Variants in PHC2 observed in about 807,000 individuals in gnomAD.
PHC2 encodes polyhomeotic homolog 2.
A neutral mutation model predicts 87.4 loss-of-function variants in PHC2; 29 were observed. The ratio of observed to expected loss-of-function variants is 0.33; its 90% CI spans 0.25 to 0.45. The LOEUF is 0.45. Ranked by LOEUF, PHC2 falls within the 20% of genes least tolerant of loss-of-function variation. PHC2 has a pLI of 1.00. For missense variants in PHC2, 857 were observed against 1,136.7 expected (o/e 0.75, Z 3.54); for synonymous variants, 438 against 461.7 (o/e 0.95, Z 0.66).
At position 33,329,999 on chromosome 1, in the gene PHC2, G is replaced by A. The variant is rs989055149; in HGVS notation, c.2148+72C>T. On this transcript the variant is annotated intron_variant, in intron 13 of 14. Coordinates refer to ENST00000683057, the MANE Select transcript of PHC2 (RefSeq NM_001385109.1). ...GAAGTCGGCAGCTGGAGGGGACCGT[G>A]GTGTCGAGGGCCATGGAAGGGAAGC... is the stretch of plus-strand genomic sequence containing the variant. 7.8e-6 allele frequency: 12 copies of A among 1,536,166 alleles called. No individual in the cohort carries two copies. The South Asian group carries it at 1.3e-4, about 16-fold the overall frequency.
rs1188873854 is a variant in PHC2, at chr1:33,368,524, T to C, written c.663+12A>G. The C allele has an allele frequency of 2.1e-6, 3 of 1,430,894 alleles. No individual in the cohort carries two copies. The Admixed American group carries it at 6.0e-5, about 29-fold the overall frequency. The allele number at this position is 1,430,894 out of a possible 1,614,324, so 88.6% of individuals were successfully genotyped here. A position where few individuals can be genotyped will look rare whatever the true frequency, so the allele number is the denominator to read the frequency against. ...CCACCCCCCTGCCCTCCCACAAGCA[T>C]GGAGTCCTCACCTGGGCGGGGGTGG... On this transcript the variant is annotated intron_variant, in intron 6 of 14. Transcript: ENST00000683057. This position sits in a 1 kb window ranked among gnomAD's most constrained non-coding sequence, Gnocchi z 6.6.
rs115724007 is a variant in PHC2 at position 33,398,216 on chromosome 1, A to C, written c.-54-22623T>G. On this transcript the variant is annotated intron_variant, in intron 1 of 14. Coordinates refer to ENST00000683057, the MANE Select transcript of PHC2 (RefSeq NM_001385109.1). ...TTGCTTCAGCACTATCAGATTCCTC[A>C]GCAGGATGTGAAATGCTTTGCAACA... Among the ~76,000 whole-genome samples the C allele has an allele frequency of 3.1e-3, 479 of 152,342 alleles. 2 individuals carry two copies. The highest frequency in any genetic ancestry group is 0.011 in the African/African-American group (467 of 41,578).
Position 33,382,579 on chromosome 1 carries a change from T to C in PHC2, c.-54-6986A>G, listed in dbSNP as rs967166749. The stretch of plus-strand genomic sequence containing the variant: ...TGTTTTTCTCTGGGTTCCTACTCAC[T>C]GTGTGGTTTTGTATGAGCCCGGGCT... On this transcript the variant is annotated intron_variant, in intron 1 of 14. Coordinates refer to ENST00000683057, the MANE Select transcript of PHC2 (RefSeq NM_001385109.1). The surrounding 1 kb of genome is among the most constrained non-coding windows in gnomAD (Gnocchi z 4.3). Among the ~76,000 whole-genome samples, 2 of 152,180 alleles carry C rather than the reference T, an allele frequency of 1.3e-5. No individual in the cohort carries two copies. Among genetic ancestry groups the C allele is most frequent in the Non-Finnish European group, 2.9e-5 (2 of 68,042 alleles).
intron 9 of PHC2, chr1:33,345,321 C>G (rs1017942818): frequency 6.5e-6 from 1 of 153,936 alleles, no homozygotes; most frequent in African/African-American, 2.4e-5. Context: ...CAAACTGGGG[C>G]TCTCTTCAAC....
At chr1:33,353,349 G>C (rs968248435) in intron 9 of PHC2, 21 of 152,168 alleles carry the variant, frequency 1.4e-4, no homozygotes, top group African/African-American at 4.8e-4. Flanking sequence ...AATTCCAAGA[G>C]AGCAGGTTTT....
chr1:33,332,790 G>A lies in PHC2; in HGVS notation c.1762-386C>T, dbSNP rs1416547907. 2.6e-5 allele frequency among the ~76,000 whole-genome samples: 4 copies of A among 152,192 alleles called. No homozygotes were observed. The highest frequency in any genetic ancestry group is 1.9e-4 in the East Asian group (1 of 5,174). On this transcript the variant is annotated intron_variant, in intron 10 of 14. Transcript: ENST00000683057. The surrounding 1 kb of genome is among the most constrained non-coding windows in gnomAD (Gnocchi z 4.2). ...GGAGTCTGTGTGAGGCTGTACATACGAGAGAGAGACTCAGCACCCATTTTC... is the reference window on the plus strand; with the variant it reads ...GGAGTCTGTGTGAGGCTGTACATACAAGAGAGAGACTCAGCACCCATTTTC...
At chr1:33,351,365 G>A (rs575542290) in intron 9 of PHC2, among the ~76,000 whole-genome samples, 1 of 152,242 alleles carries the variant, frequency 6.6e-6, no homozygotes, top group African/African-American at 2.4e-5. Flanking sequence ...TGATGGTTTT[G>A]GCCATTGGGC....
intron 9 of PHC2, chr1:33,350,396 TGAGG>T (rs980593964): frequency 1.5e-4 from 23 of 152,340 alleles, no homozygotes; most frequent in African/African-American, 5.3e-4. Context: ...TGAGGCTGAT[TGAGG>T]AAGTGGGTTC....
chr1:33,349,546 G>T lies in PHC2; in HGVS notation c.1558+4855C>A. The T allele has an allele frequency of 1.0e-6, 1 of 981,634 alleles. No individual in the cohort carries two copies. The highest frequency in any genetic ancestry group is 1.8e-5 in the African/African-American group (1 of 57,132). The allele number at this position is 981,634 out of a possible 1,614,324, so 60.8% of individuals were successfully genotyped here. ...GCCCGACTTCCAGTGCGGCGAGCGC[G>T]GCCCCCGGCCTCCCTACTGGCGAGA... On this transcript the variant is annotated intron_variant, in intron 9 of 14. Coordinates refer to ENST00000683057, the MANE Select transcript of PHC2 (RefSeq NM_001385109.1). The surrounding 1 kb of genome is among the most constrained non-coding windows in gnomAD (Gnocchi z 4.2).
At chr1:33,415,644 A>T (rs1650173603) in intron 1 of PHC2, among the ~76,000 whole-genome samples, 1 of 152,230 alleles carries the variant, frequency 6.6e-6, no homozygotes, top group Non-Finnish European at 1.5e-5. Flanking sequence ...AGAAATGGGA[A>T]GATCAGACTT....
Position 33,382,954 on chromosome 1 carries a change from G to C in PHC2, c.-54-7361C>G, listed in dbSNP as rs1266775067. Reference sequence around the variant, plus strand: ...AGGCAGGGTGAGGTTTTTCCTAATGGAATCAGAGCTGGGCAGGAAATGAGA... The same window carrying C: ...AGGCAGGGTGAGGTTTTTCCTAATGCAATCAGAGCTGGGCAGGAAATGAGA... On this transcript the variant is annotated intron_variant, in intron 1 of 14. Coordinates refer to ENST00000683057, the MANE Select transcript of PHC2 (RefSeq NM_001385109.1). This position sits in a 1 kb window ranked among gnomAD's most constrained non-coding sequence, Gnocchi z 4.3. 2.6e-5 allele frequency among the ~76,000 whole-genome samples: 4 copies of C among 152,180 alleles called. No individual in the cohort carries two copies. Among genetic ancestry groups the C allele is most frequent in the Non-Finnish European group, 5.9e-5 (4 of 68,034 alleles).
chr1:33,374,953 G>T (rs1000128016), intron 2 of PHC2, among the ~76,000 whole-genome samples: 6 of 152,196 alleles, frequency 3.9e-5, no homozygotes, highest in Admixed American at 1.3e-4. Flanking sequence ...GATGACATTT[G>T]CCAACTGCTG....
intron 7 of PHC2, 61 bp downstream of exon 7, chr1:33,367,055 T>C: frequency 7.2e-7 from 1 of 1,398,298 alleles, no homozygotes; most frequent in South Asian, 1.3e-5. Flanking sequence ...TGTGAAAGTC[T>C]CCTCCTGACT....
chr1:33,349,071 G>A lies in PHC2; in HGVS notation c.1558+5330C>T, dbSNP rs868828057. On this transcript the variant is annotated intron_variant, in intron 9 of 14. Transcript: ENST00000683057. This position sits in a 1 kb window ranked among gnomAD's most constrained non-coding sequence, Gnocchi z 4.2. ...AGTCTACCTTCATTTGGCATAGGAA[G>A]GAGAGAAAACGCTCTTCTAAAAATG... 2.0e-6 allele frequency: 2 copies of A among 984,974 alleles called. No individual in the cohort carries two copies. Among genetic ancestry groups the A allele is most frequent in the Non-Finnish European group, 2.4e-6 (2 of 829,518 alleles). The allele number at this position is 984,974 out of a possible 1,614,324, so 61.0% of individuals were successfully genotyped here.
intron 1 of PHC2, among the ~76,000 whole-genome samples, chr1:33,395,911 A>T (rs1173038890): frequency 2.0e-5 from 3 of 152,232 alleles, no homozygotes; most frequent in Admixed American, 2.0e-4. Context: ...GTCCAGATTG[A>T]AACAAGACTT....
chr1:33,377,609 T>G (rs1003036376), intron 1 of PHC2, among the ~76,000 whole-genome samples: 6 of 152,020 alleles, frequency 3.9e-5, no homozygotes, highest in African/African-American at 1.2e-4. Flanking sequence ...TTCTACCCAT[T>G]CCTTCCTACA....
intron 7 of PHC2, among the ~76,000 whole-genome samples, chr1:33,362,795 A>G (rs1165059606): frequency 6.6e-6 from 1 of 152,222 alleles, no homozygotes; most frequent in African/African-American, 2.4e-5. Flanking sequence ...AAATGTCTGC[A>G]GCTCCCATTA....
In PHC2 at chr1:33,332,640, G is replaced by T. The variant is rs944275828; in HGVS notation, c.1762-236C>A. 1 of 525,924 alleles carries T rather than the reference G, an allele frequency of 1.9e-6. No individual in the cohort carries two copies. Among genetic ancestry groups the T allele is most frequent in the African/African-American group, 1.9e-5 (1 of 52,250 alleles). 32.6% of individuals were successfully genotyped at this position (525,924 alleles called of 1,614,324 possible). A position where few individuals can be genotyped will look rare whatever the true frequency, so the allele number is the denominator to read the frequency against. ...GGATGGCTTCTGTCCAGGACCAACG[G>T]ATGGCTCAGGAGATTAGGAAAATGT... On this transcript the variant is annotated intron_variant, in intron 10 of 14. Coordinates refer to ENST00000683057, the MANE Select transcript of PHC2 (RefSeq NM_001385109.1). This position sits in a 1 kb window ranked among gnomAD's most constrained non-coding sequence, Gnocchi z 4.2.
At chr1:33,412,679 T>C (rs1650032679) in intron 1 of PHC2, among the ~76,000 whole-genome samples, 1 of 152,166 alleles carries the variant, frequency 6.6e-6, no homozygotes, top group Admixed American at 6.5e-5. Context: ...CCCTAATAAG[T>C]GGCAAATTCT....
Sources: allele counts gnomAD v4.1 joint callset (sites outside exome capture counted in the v4.1 genomes callset), GRCh38; gene constraint gnomAD v4.1.1; non-coding constraint Gnocchi (gnomAD v3.1); transcripts MANE v1.5; gene names NCBI Gene and HGNC (gene_info 2026-07-23, HGNC 2026-07-21).